Variants in P3H2 observed in about 807,000 individuals in gnomAD.
P3H2 encodes leprecan-like 1.
In P3H2, 80 loss-of-function variants were observed where a neutral mutation model predicts 87.0. That is an observed-to-expected ratio of 0.92 (90% CI 0.77 to 1.11). P3H2 has a LOEUF of 1.11. P3H2 is among the 50% of genes least tolerant of loss of function. The pLI, the probability that P3H2 is intolerant of heterozygous loss-of-function variation, is 0.00. For missense variants in P3H2, 1,001 were observed against 923.9 expected, an observed-to-expected ratio of 1.08 and a Z score of -1.08; for synonymous variants, 367 against 359.3, an observed-to-expected ratio of 1.02 and a Z score of -0.24.
chr3:190,028,925 T>C (rs1403024860), intron 1 of P3H2, among the ~76,000 whole-genome samples: 1 of 152,214 alleles, frequency 6.6e-6, no homozygotes, highest in Non-Finnish European at 1.5e-5. Context: ...TGTTTGTACT[T>C]GGGCTACACA....
At chr3:189,991,607 T>C (rs1304636565) in intron 3 of P3H2, among the ~76,000 whole-genome samples, 1 of 152,202 alleles carries the variant, frequency 6.6e-6, no homozygotes, top group African/African-American at 2.4e-5. Flanking sequence ...AGGACAAGGC[T>C]TTAGCCGAGA....
intron 1 of P3H2, among the ~76,000 whole-genome samples, chr3:190,069,361 A>AT (rs1726621787): frequency 6.6e-6 from 1 of 152,114 alleles, no homozygotes; most frequent in African/African-American, 2.4e-5. Context: ...CATTTCACTG[A>AT]TTTCAGGACT....
intron 13 of P3H2, among the ~76,000 whole-genome samples, chr3:189,965,290 C>T (rs1303176127): frequency 6.6e-6 from 1 of 152,094 alleles, no homozygotes; most frequent in African/African-American, 2.4e-5. Flanking sequence ...TACGTGACTA[C>T]ATATGGAAGG....
chr3:190,062,502 A>C (rs920192655), intron 1 of P3H2, among the ~76,000 whole-genome samples: 15 of 152,266 alleles, frequency 9.9e-5, no homozygotes, highest in Admixed American at 8.5e-4. Context: ...TGGCCCATAC[A>C]TTACCCACTG....
At chr3:190,093,336 T>G (rs1727475193) in intron 1 of P3H2, among the ~76,000 whole-genome samples, 1 of 152,050 alleles carries the variant, frequency 6.6e-6, no homozygotes, top group Non-Finnish European at 1.5e-5. Context: ...CTTATTGCAA[T>G]GCAAATGGCC....
At chr3:190,058,366 G>C (rs1305703026) in intron 1 of P3H2, among the ~76,000 whole-genome samples, 1 of 151,914 alleles carries the variant, frequency 6.6e-6, no homozygotes, top group Non-Finnish European at 1.5e-5. Context: ...ACCTATCCCC[G>C]CCCCCAAGGA....
intron 1 of P3H2, among the ~76,000 whole-genome samples, chr3:190,091,889 C>T (rs1011478887): frequency 1.3e-5 from 2 of 152,178 alleles, no homozygotes; most frequent in Admixed American, 1.3e-4. Flanking sequence ...CAACGTGGAA[C>T]TAGGTTTTAC....
chr3:190,113,967 C>T (rs1175009662), intron 1 of P3H2, among the ~76,000 whole-genome samples: 1 of 148,398 alleles, frequency 6.7e-6, no homozygotes, highest in Non-Finnish European at 1.5e-5. Context: ...GTAGTCCCAG[C>T]TACTCGGGAG....
chr3:190,040,165 A>C (rs1208644383), intron 1 of P3H2, among the ~76,000 whole-genome samples: 2 of 152,186 alleles, frequency 1.3e-5, no homozygotes, highest in Non-Finnish European at 2.9e-5. Flanking sequence ...CACTTTTATC[A>C]AATGATATCC....
At chr3:190,040,101 G>A (rs112943641) in intron 1 of P3H2, among the ~76,000 whole-genome samples, 81 of 152,204 alleles carry the variant, frequency 5.3e-4, no homozygotes, top group African/African-American at 1.7e-3. Flanking sequence ...TTCAAGATGC[G>A]TATCTTCAAG....
rs546450527 is a variant in P3H2 at position 190,031,435 on chromosome 3, C to T, written c.481-35993G>A. On this transcript the variant is annotated intron_variant, in intron 1 of 14. Transcript: ENST00000319332. ...GGCTAATCACCTGAGGTCAGGAGTT[C>T]GAGACGAGTCTGGCCAACACGGTAA... Among the ~76,000 whole-genome samples the T allele has an allele frequency of 8.2e-3, 465 of 56,478 alleles. 2 individuals carry two copies. The highest frequency in any genetic ancestry group is 0.027 in the African/African-American group (442 of 16,240). The allele number at this position is 56,478 out of a possible 152,430, so 37.1% of individuals were successfully genotyped here.
chr3:190,077,856 T>C (rs773222577), intron 1 of P3H2, among the ~76,000 whole-genome samples: 3 of 152,100 alleles, frequency 2.0e-5, no homozygotes, highest in Non-Finnish European at 4.4e-5. Context: ...GAATTTATTC[T>C]CTTTAATCAT....
At chr3:189,979,482 T>A (rs764551312) in intron 8 of P3H2, among the ~76,000 whole-genome samples, 14 of 152,026 alleles carry the variant, frequency 9.2e-5, no homozygotes, top group Non-Finnish European at 1.3e-4. Flanking sequence ...ACAGTTACTA[T>A]CCTTCTTTTA....
At chr3:189,972,771 C>T (rs1392266577) in intron 11 of P3H2, 103 bp downstream of exon 11, 15 of 1,241,926 alleles carry the variant, frequency 1.2e-5, no homozygotes, top group East Asian at 4.7e-5. Flanking sequence ...ATCTAGAATT[C>T]GTCTAAAATA....
chr3:189,970,564 A>T (rs920937082), intron 13 of P3H2, among the ~76,000 whole-genome samples: 1 of 151,910 alleles, frequency 6.6e-6, no homozygotes, highest in African/African-American at 2.4e-5. Context: ...TCCAAGTCTA[A>T]CACTAACTAG....
chr3:189,987,201 G>A (rs959005008), intron 5 of P3H2, among the ~76,000 whole-genome samples: 16 of 152,150 alleles, frequency 1.1e-4, no homozygotes, highest in Non-Finnish European at 1.5e-4. Context: ...CAGGCCAGGC[G>A]CGGTGGCTCA....
Position 190,047,092 on chromosome 3 carries a change from A to G in P3H2, c.481-51650T>C, listed in dbSNP as rs116301556. ...CTAAAAATGGGCAAAAGATCGGAAT[A>G]GACATTTCTTAAAAGAAGACATACA... is the stretch of plus-strand genomic sequence containing the variant. On this transcript the variant is annotated intron_variant, in intron 1 of 14. Coordinates refer to ENST00000319332, the MANE Select transcript of P3H2 (RefSeq NM_018192.4). 2.4e-3 allele frequency among the ~76,000 whole-genome samples: 366 copies of G among 152,340 alleles called. 1 individual carries two copies. The highest frequency in any genetic ancestry group is 0.011 in the South Asian group (52 of 4,830).
chr3:190,111,140 T>C (rs1312425197), intron 1 of P3H2, among the ~76,000 whole-genome samples: 2 of 152,214 alleles, frequency 1.3e-5, no homozygotes, highest in African/African-American at 4.8e-5. Flanking sequence ...TGACTCAGGT[T>C]CTTATTTCTG....
rs34620268 is a variant in P3H2, at chr3:189,971,903, A to G, written c.1804T>C (p.Phe602Leu). ...TTCTAGCTATACCTATAGTCTCGAA[A>G]TGTGTAAGCAGGAGGCTCCTTCCAG... ...ECWKEPPAYT[F>L]RDYSALLYMN... The change falls in exon 12 of 15, where the codon TTT becomes CTT. Residue 602 changes from phenylalanine to leucine, a missense_variant. Physicochemically the swap from Phe to Leu is conservative, Grantham distance 22. Transcript: ENST00000319332. The G allele has an allele frequency of 7.5e-6, 12 of 1,602,526 alleles. No individual in the cohort carries two copies. Among genetic ancestry groups the G allele is most frequent in the Non-Finnish European group, 8.6e-6 (10 of 1,169,512 alleles).
Sources: gnomAD v4.1 joint callset for allele counts (sites outside exome capture counted in the v4.1 genomes callset) on GRCh38, gnomAD v4.1.1 for gene constraint, MANE v1.5 for transcripts, NCBI Gene and HGNC (gene_info 2026-07-23, HGNC 2026-07-21) for gene names.